The following MRE11 variants were observed in gnomAD, a reference collection of about 807,000 sequenced individuals.
The protein encoded by MRE11 is double-strand break repair protein MRE11.
A neutral mutation model predicts 91.7 loss-of-function variants in MRE11; 62 were observed. The ratio of observed to expected loss-of-function variants is 0.68; its 90% confidence interval spans 0.55 to 0.84. The LOEUF is 0.84. MRE11 is among the 40% of genes least tolerant of loss of function. The pLI, the probability that MRE11 is intolerant of heterozygous loss-of-function variation, is 0.00. For synonymous variants in MRE11, 273 were observed against 271.4 expected (o/e 1.01, Z -0.06); for missense variants, 796 against 852.9 (o/e 0.93, Z 0.83).
chr11:94,478,974 T>C, intron 5 of MRE11, 98 bp from the exon 6 acceptor site: 2 of 1,326,300 alleles, frequency 1.5e-6, no homozygotes, highest in South Asian at 1.2e-5. Context: ...CATATTCTAC[T>C]TACAAAAACA....
At chr11:94,435,303 C>T (rs1020684051) in intron 18 of MRE11, among the ~76,000 whole-genome samples, 1 of 152,142 alleles carries the variant, frequency 6.6e-6, no homozygotes, top group Admixed American at 6.6e-5. Flanking sequence ...ATCTGTAATC[C>T]AGGCACTTTG....
chr11:94,481,840 T>C (rs565844512), intron 4 of MRE11, among the ~76,000 whole-genome samples: 34 of 152,362 alleles, frequency 2.2e-4, no homozygotes, highest in African/African-American at 7.5e-4. Context: ...CTTAGTAGTC[T>C]TCTTTTTTGG....
At chr11:94,461,098 A>T in intron 11 of MRE11, 62 bp from the exon 12 acceptor site, 1 of 1,391,126 alleles carries the variant, frequency 7.2e-7, no homozygotes, top group Non-Finnish European at 1.0e-6. Context: ...GTGCATACTC[A>T]TTGCAAGTTG....
rs762323327 is a variant in MRE11 at position 94,459,567 on chromosome 11, T to A, written c.1341A>T (p.Ser447=). The A allele has an allele frequency of 2.1e-5, 34 of 1,613,798 alleles. No individual in the cohort carries two copies. Among genetic ancestry groups the A allele is most frequent in the Non-Finnish European group, 2.9e-5 (34 of 1,179,814 alleles). ...CACCCATCCCTCTTTCTGTTAGCAG[T>A]GAGAGCTGCACATTCTGTAAGATAC... ...FQTAEKNVQL[S]LLTERGMGEA... is the part of the protein sequence containing the mutation. The change falls in exon 13 of 20, where the codon TCA becomes TCT. Residue 447 remains serine (S), a synonymous_variant. Coordinates refer to ENST00000323929, the MANE Select transcript of MRE11 (RefSeq NM_005591.4).
intron 17 of MRE11, among the ~76,000 whole-genome samples, chr11:94,436,614 A>T (rs1945623130): frequency 6.6e-6 from 1 of 152,206 alleles, no homozygotes; most frequent in Non-Finnish European, 1.5e-5. Flanking sequence ...ATGTAAAGGG[A>T]AGAGTATTGG....
the MRE11 span, among the ~76,000 whole-genome samples, chr11:94,512,243 C>G: frequency 1.3e-5 from 2 of 152,174 alleles, no homozygotes; most frequent in South Asian, 2.1e-4. Context: ...CTCGGATTCT[C>G]TGGGAATAGT....
intron 16 of MRE11, among the ~76,000 whole-genome samples, chr11:94,444,002 G>A (rs1395210477): frequency 4.1e-5 from 6 of 147,056 alleles, no homozygotes; most frequent in Non-Finnish European, 7.4e-5. Flanking sequence ...CCACCTTCTC[G>A]GTTCAAGTAT....
At chr11:94,429,457 A>G (rs187739177) in intron 19 of MRE11, among the ~76,000 whole-genome samples, 17 of 152,350 alleles carry the variant, frequency 1.1e-4, no homozygotes, top group South Asian at 2.1e-4. Context: ...CGGATTGGAT[A>G]AAGAAAATGG....
intron 14 of MRE11, among the ~76,000 whole-genome samples, chr11:94,450,562 T>G (rs995447082): frequency 4.6e-5 from 7 of 152,114 alleles, no homozygotes; most frequent in Admixed American, 4.6e-4. Flanking sequence ...CTAATCATCA[T>G]GCAATAAAAT....
chr11:94,456,309 T>C lies in MRE11; in HGVS notation c.1530A>G (p.Lys510=). ...EVRRFRETRQ[K]NTNEEDDEVR... ...CTTCATCATCTTCTTCATTAGTATT[T>C]TTTTGTCTGGTTTCTCTGAAACGAC... The change falls in exon 14 of 20, where the codon AAA becomes AAG. Residue 510 remains lysine, a synonymous_variant. Transcript: ENST00000323929. 1 of 1,613,712 alleles carries C rather than the reference T, an allele frequency of 6.2e-7. No individual in the cohort carries two copies. Among genetic ancestry groups the C allele is most frequent in the Non-Finnish European group, 8.5e-7 (1 of 1,179,886 alleles).
At position 94,429,927 on chromosome 11, in the gene MRE11, T is replaced by C. The variant is rs554399982; in HGVS notation, c.2054A>G (p.Asp685Gly). The change falls in exon 19 of 20, where the codon GAT becomes GGT. Residue 685 changes from aspartate (D) to glycine (G), a missense_variant. Transcript: ENST00000323929. ...MSQSQVSKGV[D>G]FESSEDDDDD... Reference sequence around the variant, plus strand: ...CTTATTTACCTCACTTGATTCAAAATCAACCCCTTTCGATACTTGACTCTG... The same window carrying C: ...CTTATTTACCTCACTTGATTCAAAACCAACCCCTTTCGATACTTGACTCTG... The C allele has an allele frequency of 1.1e-5, 18 of 1,613,562 alleles. No individual in the cohort carries two copies. The African/African-American group carries it at 2.0e-4, about 18-fold the overall frequency.
chr11:94,429,818 A>C, intron 19 of MRE11, 93 bp downstream of exon 19: 1 of 1,075,630 alleles, frequency 9.3e-7, no homozygotes, highest in Middle Eastern at 3.1e-4. Context: ...GTTATTTATC[A>C]AAGAAAAAAA....
At chr11:94,420,574 G>A (rs1230179933) in intron 19 of MRE11, among the ~76,000 whole-genome samples, 2 of 152,088 alleles carry the variant, frequency 1.3e-5, no homozygotes, top group Admixed American at 6.6e-5. Flanking sequence ...AAATAATGAA[G>A]CCACATGGAG....
intron 14 of MRE11, among the ~76,000 whole-genome samples, chr11:94,455,971 T>G (rs1436811128): frequency 6.6e-6 from 1 of 152,160 alleles, no homozygotes. Flanking sequence ...CATAGTTCAC[T>G]GCAGCCTTGA....
intron 9 of MRE11, among the ~76,000 whole-genome samples, chr11:94,469,591 G>GTACACTTTTGGTTACGTGAGC (rs1398613932): frequency 1.3e-5 from 2 of 152,072 alleles, no homozygotes; most frequent in African/African-American, 4.8e-5. Flanking sequence ...TGAAACAAGC[G>GTACACTTTTGGTTACGTGAGC]TACACTTTTG....
In MRE11 at chr11:94,419,500, C is replaced by T. The variant is rs1454102436; in HGVS notation, c.*625G>A. 1.1e-5 allele frequency: 2 copies of T among 180,638 alleles called. No individual in the cohort carries two copies. Among genetic ancestry groups the T allele is most frequent in the African/African-American group, 6.1e-5 (2 of 32,568 alleles). The allele number at this position is 180,638 out of a possible 1,614,324, so 11.2% of individuals were successfully genotyped here. A position where few individuals can be genotyped will look rare whatever the true frequency, so the allele number is the denominator to read the frequency against. On this transcript the variant is annotated 3_prime_UTR_variant, in exon 20 of 20. Coordinates refer to ENST00000323929, the MANE Select transcript of MRE11 (RefSeq NM_005591.4). ...AGAGAGAGAGAGAGAGAGAGAACAC[C>T]ATTAAGGATACAGAATAATAAAGGA...
chr11:94,431,943 A>G (rs1945472701), intron 18 of MRE11, among the ~76,000 whole-genome samples: 1 of 152,174 alleles, frequency 6.6e-6, no homozygotes, highest in Non-Finnish European at 1.5e-5. Context: ...ATATCAGAAT[A>G]GCATTTTGAT....
chr11:94,478,414 A>C (rs781549910), intron 6 of MRE11, among the ~76,000 whole-genome samples: 12 of 152,184 alleles, frequency 7.9e-5, no homozygotes, highest in Non-Finnish European at 1.5e-4. Context: ...ACAAAATTAT[A>C]AGCTAGCGGT....
intron 18 of MRE11, among the ~76,000 whole-genome samples, chr11:94,432,761 G>A (rs1356542171): frequency 1.3e-5 from 2 of 152,196 alleles, no homozygotes; most frequent in African/African-American, 4.8e-5. Context: ...AGCCGAGATC[G>A]CGCCACTGCA....
Sources: gnomAD v4.1 joint callset for allele counts (sites outside exome capture counted in the v4.1 genomes callset) on GRCh38, gnomAD v4.1.1 for gene constraint, MANE v1.5 for transcripts, NCBI Gene and HGNC (gene_info 2026-07-23, HGNC 2026-07-21) for gene names.